AGBL2: variants seen among roughly 807,000 people sequenced by gnomAD.
The protein encoded by AGBL2 is cytosolic carboxypeptidase 2.
In AGBL2, 87 loss-of-function variants were observed where a neutral mutation model predicts 103.0. The observed-to-expected ratio is 0.84, with a 90% CI of 0.71 to 1.01. AGBL2 has a LOEUF of 1.01. Among genes scored for constraint, AGBL2 ranks in the 50% least tolerant of loss-of-function variants. AGBL2 has a pLI of 0.00. For synonymous variants in AGBL2, 335 were observed against 356.7 expected, an observed-to-expected ratio of 0.94 and a Z score of 0.69; for missense variants, 904 against 1,023.5, an observed-to-expected ratio of 0.88 and a Z score of 1.59.
At chr11:47,678,343 A>ATTATTATTTTTTTTTTTTTTTTTTTTTT (rs2097385523) in intron 13 of AGBL2, among the ~76,000 whole-genome samples, 19 of 116,866 alleles carry the variant, frequency 1.6e-4, no homozygotes, top group East Asian at 8.8e-4. Flanking sequence ...TTATTATTTT[A>ATTATTATTTTTTTTTTTTTTTTTTTTTT]TTTTTTTTGA....
At chr11:47,675,167 A>G (rs1032726325) in intron 14 of AGBL2, among the ~76,000 whole-genome samples, 11 of 141,338 alleles carry the variant, frequency 7.8e-5, no homozygotes, top group African/African-American at 2.7e-5. Context: ...CCTCTTCTCT[A>G]TCTGCACTTA....
intron 13 of AGBL2, 76 bp downstream of exon 13, chr11:47,679,897 C>T: frequency 2.1e-6 from 2 of 947,244 alleles, no homozygotes; most frequent in East Asian, 2.6e-5. Flanking sequence ...CCACTTCAGC[C>T]TCCCAAAGTG....
intron 13 of AGBL2, among the ~76,000 whole-genome samples, chr11:47,679,688 C>G (rs1215227980): frequency 4.6e-5 from 7 of 151,494 alleles, no homozygotes; most frequent in African/African-American, 1.7e-4. Flanking sequence ...GTCCCCCAGG[C>G]TGGAGTGCAG....
chr11:47,677,503 G>T (rs981941838), intron 13 of AGBL2, 102 bp from the exon 14 acceptor site: 7 of 717,956 alleles, frequency 9.7e-6, no homozygotes, highest in African/African-American at 7.7e-5. Context: ...GCCCAGGCTG[G>T]AGTACAATGG....
intron 14 of AGBL2, among the ~76,000 whole-genome samples, chr11:47,676,813 CAAAAAAAAAAAAA>C (rs566335901): frequency 1.4e-5 from 1 of 69,818 alleles, no homozygotes; most frequent in Non-Finnish European, 3.0e-5. Context: ...GCCTCCATCT[CAAAAAAAAAAAAA>C]AAAAAAAAGA....
At chr11:47,691,729 A>AAAAAAATATATATATAT in intron 9 of AGBL2, among the ~76,000 whole-genome samples, 1 of 4,852 alleles carries the variant, frequency 2.1e-4, no homozygotes, top group African/African-American at 7.2e-4. Context: ...AAAAAAAAAA[A>AAAAAAATATATATATAT]ATATATATAT....
At chr11:47,711,464 G>A (rs2135038939) in intron 3 of AGBL2, among the ~76,000 whole-genome samples, 1 of 152,282 alleles carries the variant, frequency 6.6e-6, no homozygotes, top group South Asian at 2.1e-4. Flanking sequence ...CCAGGACATG[G>A]TTTTTGGAGC....
intron 8 of AGBL2, among the ~76,000 whole-genome samples, chr11:47,696,571 G>A (rs958298736): frequency 2.0e-5 from 3 of 151,880 alleles, no homozygotes; most frequent in Non-Finnish European, 4.4e-5. Flanking sequence ...AGGTGGGCCT[G>A]GGTTTTCTTT....
intron 8 of AGBL2, among the ~76,000 whole-genome samples, chr11:47,693,549 T>C (rs924255852): frequency 1.3e-5 from 2 of 152,066 alleles, no homozygotes; most frequent in Admixed American, 6.6e-5. Context: ...GAGTTTATTT[T>C]TGGACTCTCA....
intron 7 of AGBL2, among the ~76,000 whole-genome samples, chr11:47,701,469 C>CAAAAAAAAAAAAAA (rs11327584): frequency 1.1e-5 from 1 of 94,498 alleles, no homozygotes. Flanking sequence ...GACTCCGTCT[C>CAAAAAAAAAAAAAA]AAAAAAAAAA....
intron 18 of AGBL2, 95 bp from the exon 19 acceptor site, chr11:47,660,441 G>A (rs1157572213): frequency 4.4e-6 from 5 of 1,145,174 alleles, no homozygotes; most frequent in East Asian, 4.8e-5. Context: ...AGGAGCTGGT[G>A]AGAAATATTT....
chr11:47,701,085 G>A (rs1362344623), intron 7 of AGBL2, among the ~76,000 whole-genome samples: 1 of 151,160 alleles, frequency 6.6e-6, no homozygotes, highest in Non-Finnish European at 1.5e-5. Context: ...CAACCAATAA[G>A]GTGCTTATTA....
chr11:47,662,555 C>T (rs1040843937), intron 18 of AGBL2, among the ~76,000 whole-genome samples: 1 of 151,200 alleles, frequency 6.6e-6, no homozygotes, highest in Non-Finnish European at 1.5e-5. Flanking sequence ...TGCAATGGCA[C>T]GATCTCAGCT....
rs1349163790 is a variant in AGBL2, at chr11:47,714,266, A to C, written c.97+18T>G. 6.2e-7 allele frequency: 1 copy of C among 1,602,800 alleles called. No homozygotes were observed. Among genetic ancestry groups the C allele is most frequent in the Non-Finnish European group, 8.5e-7 (1 of 1,170,440 alleles). ...TTGAGTCCAGGAAAGGTGATACTAGATAAGAACATGGTATTACCTTTAAAG... is the reference window on the plus strand; with the variant it reads ...TTGAGTCCAGGAAAGGTGATACTAGCTAAGAACATGGTATTACCTTTAAAG... On this transcript the variant is annotated intron_variant, in intron 3 of 18. Transcript: ENST00000525123.
intron 14 of AGBL2, among the ~76,000 whole-genome samples, chr11:47,675,611 ACTC>A (rs1443182852): frequency 3.3e-5 from 5 of 151,064 alleles, no homozygotes; most frequent in South Asian, 2.1e-4. Flanking sequence ...CAGGTCTTGA[ACTC>A]CTGACCTCAA....
intron 4 of AGBL2, among the ~76,000 whole-genome samples, chr11:47,708,498 C>T (rs1241203146): frequency 1.3e-5 from 2 of 149,486 alleles, no homozygotes; most frequent in South Asian, 2.1e-4. Flanking sequence ...GTATTTTTTC[C>T]AAAGAGAAGT....
At chr11:47,665,777 A>C (rs1025778167) in intron 17 of AGBL2, among the ~76,000 whole-genome samples, 3 of 151,846 alleles carry the variant, frequency 2.0e-5, no homozygotes, top group African/African-American at 7.2e-5. Flanking sequence ...TGGGAGGCTG[A>C]GGCAGGCGGA....
In AGBL2 at chr11:47,678,459, G is replaced by A. The variant is rs190490853; in HGVS notation, c.2017-1058C>T. ...AGTGTTTCTCCTGCCTCAGCCTCCC[G>A]AGCAGCTGGGATTACAGGCGCTTGC... On this transcript the variant is annotated intron_variant, in intron 13 of 18. Coordinates refer to ENST00000525123, the MANE Select transcript of AGBL2 (RefSeq NM_024783.4). Among the ~76,000 whole-genome samples the A allele has an allele frequency of 4.2e-3, 632 of 149,662 alleles. 1 individual carries two copies. Among genetic ancestry groups the A allele is most frequent in the African/African-American group, 0.015 (617 of 40,924 alleles).
At chr11:47,672,792 G>A (rs2097361443) in intron 14 of AGBL2, among the ~76,000 whole-genome samples, 3 of 152,060 alleles carry the variant, frequency 2.0e-5, no homozygotes, top group South Asian at 4.1e-4. Flanking sequence ...ATTGCTTTTG[G>A]GCCCAGATGT....
Sources: gnomAD v4.1 joint callset for allele counts (sites outside exome capture counted in the v4.1 genomes callset) on GRCh38, gnomAD v4.1.1 for gene constraint, MANE v1.5 for transcripts, NCBI Gene and HGNC (gene_info 2026-07-23, HGNC 2026-07-21) for gene names.